IMMP2L: variants seen among roughly 807,000 people sequenced by gnomAD.
IMMP2L encodes the protein inner mitochondrial membrane peptidase subunit 2, also known as mitochondrial inner membrane protease subunit 2.
Under a neutral mutation model 19.3 loss-of-function variants are expected in IMMP2L, and 18 were observed. That is an observed-to-expected ratio of 0.93 (90% CI 0.64 to 1.38). The LOEUF is 1.38. Ranked by LOEUF, IMMP2L falls within the 40% of genes most tolerant of loss-of-function variation. The pLI, the probability that IMMP2L is intolerant of heterozygous loss-of-function variation, is 0.00. For missense variants in IMMP2L, 233 were observed against 218.2 expected, an observed-to-expected ratio of 1.07 and a Z score of -0.43; for synonymous variants, 76 against 73.0, an observed-to-expected ratio of 1.04 and a Z score of -0.21.
At chr7:111,279,822 T>C (rs911187389) in intron 3 of IMMP2L, among the ~76,000 whole-genome samples, 10 of 152,130 alleles carry the variant, frequency 6.6e-5, no homozygotes, top group Non-Finnish European at 1.5e-4. Context: ...ATTTTGTCCA[T>C]GATGCAGCAT....
intron 3 of IMMP2L, among the ~76,000 whole-genome samples, chr7:111,368,544 C>T (rs1454465376): frequency 6.6e-6 from 1 of 151,900 alleles, no homozygotes; most frequent in Non-Finnish European, 1.5e-5. Context: ...AAAGTTCTTG[C>T]TACCAAGACC....
At chr7:111,546,921 GA>G (rs1292905721) in intron 1 of IMMP2L, among the ~76,000 whole-genome samples, 2 of 152,150 alleles carry the variant, frequency 1.3e-5, no homozygotes, top group African/African-American at 4.8e-5. Context: ...CCCAGGTAAC[GA>G]GAACTTATTG....
chr7:111,090,412 C>A (rs919420917), intron 3 of IMMP2L, among the ~76,000 whole-genome samples: 18 of 151,940 alleles, frequency 1.2e-4, no homozygotes, highest in African/African-American at 4.4e-4. Context: ...CACAGATACA[C>A]AAACACACCT....
At chr7:111,296,802 G>A (rs1821683429) in intron 3 of IMMP2L, among the ~76,000 whole-genome samples, 1 of 151,918 alleles carries the variant, frequency 6.6e-6, no homozygotes, top group Non-Finnish European at 1.5e-5. Flanking sequence ...TTTACTGGCT[G>A]AATGGTTAAA....
At chr7:111,124,847 C>T (rs1562824422) in intron 3 of IMMP2L, 1 of 1,598,626 alleles carries the variant, frequency 6.3e-7, no homozygotes, top group Non-Finnish European at 8.5e-7. Flanking sequence ...GAAAAAAGTA[C>T]ATCACTGAAA....
At chr7:110,936,826 A>G (rs145663439) in intron 4 of IMMP2L, among the ~76,000 whole-genome samples, 5 of 152,208 alleles carry the variant, frequency 3.3e-5, no homozygotes, top group African/African-American at 1.2e-4. Flanking sequence ...TAGACTAGAT[A>G]AAGAAAATGT....
chr7:111,287,249 T>C (rs977286285), intron 3 of IMMP2L, among the ~76,000 whole-genome samples: 2 of 152,160 alleles, frequency 1.3e-5, no homozygotes, highest in South Asian at 2.1e-4. Context: ...GGAGCATATA[T>C]CCTGCTCACT....
rs192723623 is a variant in IMMP2L, at chr7:111,209,120, G to A, written c.240-245555C>T. On this transcript the variant is annotated intron_variant, in intron 3 of 5. Coordinates refer to ENST00000405709, the MANE Select transcript of IMMP2L (RefSeq NM_032549.4). ...AAAGTAAGAACTCACAGCCGAGCAC[G>A]GTGGCTCACGCCTGTAATCCCAGCA... 2.6e-3 allele frequency among the ~76,000 whole-genome samples: 392 copies of A among 152,200 alleles called. 1 individual carries two copies. Among genetic ancestry groups the A allele is most frequent in the Middle Eastern group, 0.014 (4 of 294 alleles).
intron 2 of IMMP2L, among the ~76,000 whole-genome samples, chr7:111,508,070 A>G (rs1354790313): frequency 2.0e-5 from 3 of 152,172 alleles, no homozygotes; most frequent in Non-Finnish European, 4.4e-5. Flanking sequence ...AAATCTACAC[A>G]TATCTCATAC....
At chr7:111,195,552 T>C (rs1244166476) in intron 3 of IMMP2L, among the ~76,000 whole-genome samples, 1 of 152,134 alleles carries the variant, frequency 6.6e-6, no homozygotes, top group Non-Finnish European at 1.5e-5. Flanking sequence ...AGAAACTTTA[T>C]TATAAAGGAT....
intron 3 of IMMP2L, among the ~76,000 whole-genome samples, chr7:111,075,820 C>T (rs539219676): frequency 7.9e-5 from 12 of 152,286 alleles, no homozygotes; most frequent in Admixed American, 6.5e-4. Flanking sequence ...GAGCTCCATG[C>T]TTTTATATTT....
chr7:111,275,673 T>A (rs1397526498), intron 3 of IMMP2L, among the ~76,000 whole-genome samples: 3 of 152,198 alleles, frequency 2.0e-5, no homozygotes, highest in Non-Finnish European at 4.4e-5. Flanking sequence ...TCTTCCAATC[T>A]GTGAGAATGG....
At chr7:111,016,798 T>C (rs1484334120) in intron 3 of IMMP2L, among the ~76,000 whole-genome samples, 6 of 74,626 alleles carry the variant, frequency 8.0e-5, no homozygotes, top group Non-Finnish European at 1.2e-4. Flanking sequence ...CTATATAATA[T>C]ATAATATATA....
intron 3 of IMMP2L, among the ~76,000 whole-genome samples, chr7:111,160,246 A>G (rs1805103787): frequency 6.6e-6 from 1 of 152,108 alleles, no homozygotes; most frequent in Non-Finnish European, 1.5e-5. Context: ...GTATTATTAT[A>G]AATAAGTTAT....
At chr7:110,670,373 A>G (rs1791807194) in intron 5 of IMMP2L, among the ~76,000 whole-genome samples, 1 of 152,192 alleles carries the variant, frequency 6.6e-6, no homozygotes, top group Admixed American at 6.5e-5. Context: ...AGTCCTAGCA[A>G]GCTAATACAC....
At chr7:110,801,058 A>G (rs751661021) in intron 5 of IMMP2L, among the ~76,000 whole-genome samples, 34 of 152,102 alleles carry the variant, frequency 2.2e-4, no homozygotes, top group Non-Finnish European at 4.0e-4. Context: ...ATGGTTTAGT[A>G]GATTCATTTT....
At chr7:110,829,096 T>C (rs1401761959) in intron 5 of IMMP2L, among the ~76,000 whole-genome samples, 1 of 152,174 alleles carries the variant, frequency 6.6e-6, no homozygotes, top group Non-Finnish European at 1.5e-5. Context: ...TCCTATGAGA[T>C]TGGCAAAGAT....
chr7:111,007,607 G>T (rs868074345), intron 3 of IMMP2L, among the ~76,000 whole-genome samples: 1 of 151,954 alleles, frequency 6.6e-6, no homozygotes, highest in African/African-American at 2.4e-5. Context: ...TCACTCCCTA[G>T]TAAATCTCTT....
At chr7:111,272,824 A>G (rs1182238215) in intron 3 of IMMP2L, among the ~76,000 whole-genome samples, 1 of 152,186 alleles carries the variant, frequency 6.6e-6, no homozygotes, top group Non-Finnish European at 1.5e-5. Flanking sequence ...TAGAGATTTC[A>G]AAGTCAGCTT....
Sources: allele counts gnomAD v4.1 joint callset (sites outside exome capture counted in the v4.1 genomes callset), GRCh38; gene constraint gnomAD v4.1.1; transcripts MANE v1.5; gene names NCBI Gene and HGNC (gene_info 2026-07-23, HGNC 2026-07-21).